The following SP140 variants were observed in gnomAD, a reference collection of about 807,000 sequenced individuals.
SP140 encodes the protein SP140 nuclear body protein, also known as nuclear body protein SP140.
A neutral mutation model predicts 125.0 loss-of-function variants in SP140; 81 were observed. The observed-to-expected ratio is 0.65, with a 90% CI of 0.54 to 0.78. The LOEUF (loss-of-function observed/expected upper bound fraction) is 0.78, where lower values mean the gene tolerates loss of function less well. Ranked by LOEUF, SP140 falls within the 30% of genes least tolerant of loss-of-function variation. The pLI, the probability that SP140 is intolerant of heterozygous loss-of-function variation, is 0.00. For missense variants in SP140, 858 were observed against 1,037.0 expected (o/e 0.83, Z 2.37); for synonymous variants, 312 against 354.0 (o/e 0.88, Z 1.33).
intron 3 of SP140, among the ~76,000 whole-genome samples, 157 bp from the exon 4 acceptor site, chr2:230,241,247 G>A (rs368399229): frequency 1.3e-5 from 2 of 152,096 alleles, no homozygotes; most frequent in South Asian, 4.1e-4. Flanking sequence ...TTACACTTAA[G>A]ATATGTGCCT....
At chr2:230,280,817 A>G (rs1344730546) in intron 15 of SP140, among the ~76,000 whole-genome samples, 4 of 152,160 alleles carry the variant, frequency 2.6e-5, no homozygotes, top group Admixed American at 2.0e-4. Flanking sequence ...TTAATTTAAA[A>G]AAATATTTTG....
intron 1 of SP140, among the ~76,000 whole-genome samples, chr2:230,228,240 G>T (rs949272660): frequency 4.6e-5 from 7 of 152,074 alleles, no homozygotes; most frequent in African/African-American, 1.7e-4. Context: ...CTAGTTTATG[G>T]TCTGAGAACA....
At chr2:230,282,624 C>G (rs1188347536) in intron 15 of SP140, among the ~76,000 whole-genome samples, 1 of 151,348 alleles carries the variant, frequency 6.6e-6, no homozygotes, top group Non-Finnish European at 1.5e-5. Context: ...ATAGTGAGAC[C>G]CCGTATCTAC....
intron 22 of SP140, 43 bp downstream of exon 22, chr2:230,297,505 C>G: frequency 2.5e-6 from 4 of 1,602,258 alleles, no homozygotes; most frequent in Non-Finnish European, 2.6e-6. Context: ...ATATTCCACT[C>G]CTTTCTCCAG....
At chr2:230,292,304 C>T (rs2057206252) in intron 19 of SP140, among the ~76,000 whole-genome samples, 1 of 152,222 alleles carries the variant, frequency 6.6e-6, no homozygotes, top group Admixed American at 6.5e-5. Context: ...CTGGCCTCTA[C>T]TTCCAAATTT....
intron 12 of SP140, among the ~76,000 whole-genome samples, chr2:230,261,929 C>T (rs941021833): frequency 3.9e-5 from 6 of 151,984 alleles, no homozygotes; most frequent in African/African-American, 1.4e-4. Context: ...TTGGCTATGT[C>T]CTTTCCTGGT....
intron 1 of SP140, among the ~76,000 whole-genome samples, chr2:230,213,248 GC>G: frequency 6.6e-6 from 1 of 152,244 alleles, no homozygotes; most frequent in East Asian, 1.9e-4. Flanking sequence ...GTGCATCTAA[GC>G]CCTGATCTAA....
intron 17 of SP140, among the ~76,000 whole-genome samples, chr2:230,286,137 C>T (rs926216597): frequency 3.9e-5 from 6 of 152,146 alleles, no homozygotes; most frequent in Admixed American, 1.3e-4. Context: ...AATTGTAAGC[C>T]GAATACAGGT....
At chr2:230,299,658 G>A (rs1370648170) in intron 22 of SP140, among the ~76,000 whole-genome samples, 1 of 152,158 alleles carries the variant, frequency 6.6e-6, no homozygotes, top group Non-Finnish European at 1.5e-5. Context: ...GGCAGGGAGG[G>A]GTGAGATCTG....
upstream of SP140, among the ~76,000 whole-genome samples, chr2:230,222,018 A>G (rs948035470): frequency 1.3e-5 from 2 of 152,238 alleles, no homozygotes; most frequent in African/African-American, 4.8e-5. Context: ...ACTTGAGGCC[A>G]GGAATTCAAG....
intron 1 of SP140, among the ~76,000 whole-genome samples, chr2:230,213,361 T>C (rs1306724025): frequency 6.6e-6 from 1 of 152,190 alleles, no homozygotes; most frequent in Non-Finnish European, 1.5e-5. Flanking sequence ...ATAATGAACA[T>C]GCTATAGTTT....
Position 230,265,729 on chromosome 2 carries a change from T to TGTG in SP140, c.1241-3802_1241-3800dup, listed in dbSNP as rs554610790. On this transcript the variant is annotated intron_variant, in intron 12 of 26. Transcript: ENST00000392045. ...ACCTTCAGCTTCTCCAGTGGGGGTG[T>TGTG]GTGTTCGGGAGAGGAGGGTCTCCTT... Among the ~76,000 whole-genome samples, 5 of 151,722 alleles carry TGTG rather than the reference T, an allele frequency of 3.3e-5. No homozygotes were observed. In the South Asian group the frequency reaches 1.0e-3, roughly 32 times the overall value.
In SP140 at chr2:230,237,981, A is replaced by G. The variant is rs1431580749; in HGVS notation, c.238-232A>G. On this transcript the variant is annotated intron_variant, in intron 2 of 26. Coordinates refer to ENST00000392045, the MANE Select transcript of SP140 (RefSeq NM_007237.5). The surrounding 1 kb of genome is among the most constrained non-coding windows in gnomAD (Gnocchi z 5.4). ...AGCCATACACAACATTCAACTTTGA[A>G]CCCACACTTATTATTTAAAATTACT... Among the ~76,000 whole-genome samples the G allele has an allele frequency of 6.6e-6, 1 of 152,200 alleles. No individual in the cohort carries two copies. Among genetic ancestry groups the G allele is most frequent in the Non-Finnish European group, 1.5e-5 (1 of 68,034 alleles).
At chr2:230,288,345 G>A (rs189656607) in intron 18 of SP140, among the ~76,000 whole-genome samples, 2 of 152,256 alleles carry the variant, frequency 1.3e-5, no homozygotes, top group African/African-American at 2.4e-5. Flanking sequence ...TGTGGTTAGA[G>A]ATCTGTGTCC....
At chr2:230,294,002 G>A (rs1448674961) in intron 20 of SP140, among the ~76,000 whole-genome samples, 2 of 152,126 alleles carry the variant, frequency 1.3e-5, no homozygotes, top group Admixed American at 6.5e-5. Context: ...GTGATAGGTG[G>A]TATGAGATTG....
rs773166165 is a variant in SP140 at position 230,243,797 on chromosome 2, C to G, written c.557C>G (p.Pro186Arg). 6.2e-7 allele frequency: 1 copy of G among 1,612,108 alleles called. No homozygotes were observed. The highest frequency in any genetic ancestry group is 2.2e-5 in the East Asian group (1 of 44,866). Reference protein sequence around the residue: ...AVPQEALSSSPRCEPGFSSES... With the variant: ...AVPQEALSSSRRCEPGFSSES... ...CCTCAGGAAGCCTTGAGCTCCTCGC[C>G]AAGGTGTGAGCCAGGTAAGGAAGGA... Residue 186 changes from proline to arginine, a missense_variant, in exon 5 of 27, where the codon CCA becomes CGA. Physicochemically the swap from Pro to Arg is moderately radical, Grantham distance 103 (BLOSUM62 -2). Coordinates refer to ENST00000392045, the MANE Select transcript of SP140 (RefSeq NM_007237.5).
the SP140 span, among the ~76,000 whole-genome samples, chr2:230,189,603 C>T: frequency 2.4e-3 from 368 of 152,220 alleles, 2 homozygotes; most frequent in Non-Finnish European, 4.1e-3. Flanking sequence ...ATGGGACACA[C>T]GTGCAGAACA....
intron 15 of SP140, among the ~76,000 whole-genome samples, chr2:230,280,304 G>A (rs1169271083): frequency 6.6e-6 from 1 of 151,962 alleles, no homozygotes; most frequent in Non-Finnish European, 1.5e-5. Context: ...AATCTCTTTT[G>A]CCAAGTACTA....
Position 230,243,690 on chromosome 2 carries a change from C to G in SP140, c.491-41C>G, listed in dbSNP as rs760486235. 6.9e-5 allele frequency: 101 copies of G among 1,455,898 alleles called. No homozygotes were observed. In the South Asian group the frequency reaches 1.1e-3, roughly 16 times the overall value. The allele number at this position is 1,455,898 out of a possible 1,614,324, so 90.2% of individuals were successfully genotyped here. On this transcript the variant is annotated intron_variant, in intron 4 of 26. Coordinates refer to ENST00000392045, the MANE Select transcript of SP140 (RefSeq NM_007237.5). ...TTTCTTGTTTTGATGGCTTTTTGACCATAAATCAAGACATCTAAGGGATTT... is the reference window on the plus strand; with the variant it reads ...TTTCTTGTTTTGATGGCTTTTTGACGATAAATCAAGACATCTAAGGGATTT...
Sources: gnomAD v4.1 joint callset for allele counts (sites outside exome capture counted in the v4.1 genomes callset) on GRCh38, gnomAD v4.1.1 for gene constraint, Gnocchi (gnomAD v3.1) non-coding constraint, MANE v1.5 for transcripts, NCBI Gene and HGNC (gene_info 2026-07-23, HGNC 2026-07-21) for gene names.